Variants in SERPINA12 observed in about 807,000 individuals in gnomAD.
The protein encoded by SERPINA12 is serpin family A member 12, also known as serpin A12.
In SERPINA12, 21 loss-of-function variants were observed where a neutral mutation model predicts 25.9. The ratio of observed to expected loss-of-function variants is 0.81; its 90% CI spans 0.58 to 1.17. SERPINA12 has a LOEUF of 1.17. Ranked by LOEUF, SERPINA12 falls within the 50% of genes most tolerant of loss-of-function variation. The probability of loss-of-function intolerance (pLI) is 0.00; values close to 1 mark genes in which losing one functional copy is unlikely to be tolerated. For missense variants in SERPINA12, 562 were observed against 508.3 expected, an observed-to-expected ratio of 1.11 and a Z score of -1.02; for synonymous variants, 220 against 196.0, an observed-to-expected ratio of 1.12 and a Z score of -1.02.
intron 1 of SERPINA12, among the ~76,000 whole-genome samples, chr14:94,505,386 T>A (rs1472292651): frequency 6.6e-6 from 1 of 152,188 alleles, no homozygotes; most frequent in African/African-American, 2.4e-5. Context: ...CCCCTGAAGA[T>A]GCCCCTGAGC....
At chr14:94,514,165 CTTG>C (rs766493586), upstream of SERPINA12, among the ~76,000 whole-genome samples, 76 of 152,348 alleles carry the variant, frequency 5.0e-4, no homozygotes, top group Middle Eastern at 3.4e-3. Context: ...TGGCGGCTGA[CTTG>C]TTGTTTTATT....
At chr14:94,512,854 C>G (rs765407541), upstream of SERPINA12, among the ~76,000 whole-genome samples, 9 of 152,178 alleles carry the variant, frequency 5.9e-5, no homozygotes, top group African/African-American at 2.2e-4. Context: ...AAGCTCATTT[C>G]TGAGCTTTCA....
At chr14:94,497,075 A>G (rs556271467) in intron 2 of SERPINA12, among the ~76,000 whole-genome samples, 28 of 152,298 alleles carry the variant, frequency 1.8e-4, no homozygotes, top group African/African-American at 6.5e-4. Context: ...ACACTCCAGC[A>G]GTGATTTTGT....
In SERPINA12 at chr14:94,489,691, C is replaced by T. The variant is rs1460601978; in HGVS notation, c.982G>A (p.Val328Ile). Residue 328 changes from valine to isoleucine, a missense_variant, in exon 4 of 5, where the codon GTC (valine) becomes ATC (isoleucine). Physicochemically the swap from Val to Ile is conservative, Grantham distance 29. Transcript: ENST00000677451. The part of the protein sequence containing the change: ...DLKKTLSYIG[V>I]SKIFEEHGDL... The stretch of plus-strand genomic sequence containing the variant: ...CCATGTTCCTCAAAGATTTTGGAGA[C>T]ACCTATGTAGGAGAGAGTCTTCTTC... The T allele has an allele frequency of 6.8e-6, 11 of 1,614,142 alleles. No individual in the cohort carries two copies. The highest frequency in any genetic ancestry group is 9.3e-6 in the Non-Finnish European group (11 of 1,180,028).
chr14:94,516,655 C>T (rs1297143635), intron 1 of SERPINA12, among the ~76,000 whole-genome samples: 1 of 152,200 alleles, frequency 6.6e-6, no homozygotes, highest in Non-Finnish European at 1.5e-5. Flanking sequence ...GAGAATTCGT[C>T]ACTACACTGA....
chr14:94,511,883 A>C (rs1350810318), upstream of SERPINA12: 1 of 204,766 alleles, frequency 4.9e-6, no homozygotes, highest in East Asian at 1.9e-4. Flanking sequence ...GGATTGCTTG[A>C]GGTCAGGAGT....
At chr14:94,495,993 T>C (rs1233943856) in intron 3 of SERPINA12, among the ~76,000 whole-genome samples, 1 of 152,252 alleles carries the variant, frequency 6.6e-6, no homozygotes, top group East Asian at 1.9e-4. Flanking sequence ...GACAACATCA[T>C]TCTACTCACA....
chr14:94,504,630 A>G (rs549245652), intron 1 of SERPINA12, among the ~76,000 whole-genome samples: 1 of 152,358 alleles, frequency 6.6e-6, no homozygotes, highest in East Asian at 1.9e-4. Flanking sequence ...AAGTTCGAGG[A>G]CAGACAAATA....
chr14:94,516,541 C>G (rs1256791192), intron 1 of SERPINA12, among the ~76,000 whole-genome samples: 1 of 152,170 alleles, frequency 6.6e-6, no homozygotes, highest in East Asian at 1.9e-4. Flanking sequence ...GGGGCAGCGC[C>G]TAGCACCCCA....
At chr14:94,505,834 C>T (rs1467174270) in intron 1 of SERPINA12, among the ~76,000 whole-genome samples, 1 of 152,210 alleles carries the variant, frequency 6.6e-6, no homozygotes. Flanking sequence ...TGAGTTCAGA[C>T]AGTGCCAGAG....
intron 2 of SERPINA12, among the ~76,000 whole-genome samples, chr14:94,515,378 TC>T (rs2139869181): frequency 6.6e-6 from 1 of 152,038 alleles, no homozygotes; most frequent in Admixed American, 6.5e-5. Flanking sequence ...TACATCACCC[TC>T]CCCTGCAAGA....
At chr14:94,493,843 A>T (rs1416767378) in intron 3 of SERPINA12, among the ~76,000 whole-genome samples, 1 of 152,196 alleles carries the variant, frequency 6.6e-6, no homozygotes, top group Non-Finnish European at 1.5e-5. Flanking sequence ...GCAAAAGGAG[A>T]TGAAGCCTGA....
At chr14:94,495,070 T>C (rs1377413332) in intron 3 of SERPINA12, among the ~76,000 whole-genome samples, 17 of 133,678 alleles carry the variant, frequency 1.3e-4, no homozygotes, top group East Asian at 2.1e-4. Flanking sequence ...CTTTCTTTTT[T>C]TTTTTTTTTT....
At chr14:94,506,418 G>A (rs1385221575) in intron 1 of SERPINA12, among the ~76,000 whole-genome samples, 3 of 152,304 alleles carry the variant, frequency 2.0e-5, no homozygotes, top group Middle Eastern at 3.4e-3. Context: ...TGGGAGGTGA[G>A]AACACACAAG....
At chr14:94,503,022 G>C (rs1047744563) in intron 1 of SERPINA12, among the ~76,000 whole-genome samples, 6 of 152,196 alleles carry the variant, frequency 3.9e-5, no homozygotes, top group African/African-American at 1.4e-4. Flanking sequence ...CTTGCTAAAG[G>C]TGTGCCTTGG....
chr14:94,497,960 T>A lies in SERPINA12; in HGVS notation c.438A>T (p.Pro146=). 2.5e-6 allele frequency: 4 copies of A among 1,614,246 alleles called. No homozygotes were observed. The highest frequency in any genetic ancestry group is 3.4e-6 in the Non-Finnish European group (4 of 1,180,042). ...NTLFIDQRLQ[P]QRKFLEDAKN... ...TGGCATCTTCCAAAAACTTACGCTG[T>A]GGCTGCAGCCTCTGGTCAATGAACA... Residue 146 remains proline (P), a synonymous_variant, in exon 2 of 5, where the codon CCA becomes CCT. Transcript: ENST00000677451.
chr14:94,491,377 G>C (rs1998207), intron 3 of SERPINA12, among the ~76,000 whole-genome samples: 1 of 151,884 alleles, frequency 6.6e-6, no homozygotes, highest in African/African-American at 2.4e-5. Context: ...ACAAATTGGG[G>C]TTTTTTTTCC....
chr14:94,510,973 A>C (rs1042992860), upstream of SERPINA12, among the ~76,000 whole-genome samples: 1 of 152,124 alleles, frequency 6.6e-6, no homozygotes, highest in Non-Finnish European at 1.5e-5. Flanking sequence ...GGTATAAAAA[A>C]CTACATATTG....
chr14:94,496,647 A>G lies in SERPINA12; in HGVS notation c.635-4T>C. 4 of 1,613,024 alleles carry G rather than the reference A, an allele frequency of 2.5e-6. No individual in the cohort carries two copies. Among genetic ancestry groups the G allele is most frequent in the Non-Finnish European group, 3.4e-6 (4 of 1,179,502 alleles). ...TCAAACTCATGTTTCCACCTGGCTTAGATTGAAGAAAGACAAACAGACATG... is the reference window on the plus strand; with the variant it reads ...TCAAACTCATGTTTCCACCTGGCTTGGATTGAAGAAAGACAAACAGACATG... On this transcript the variant is annotated splice_region_variant and splice_polypyrimidine_tract_variant and intron_variant, in intron 2 of 4. Transcript: ENST00000677451.
Sources: gnomAD v4.1 joint callset for allele counts (sites outside exome capture counted in the v4.1 genomes callset) on GRCh38, gnomAD v4.1.1 for gene constraint, MANE v1.5 for transcripts, NCBI Gene and HGNC (gene_info 2026-07-23, HGNC 2026-07-21) for gene names.